RNF123: variants seen among roughly 807,000 people sequenced by gnomAD.
The protein encoded by RNF123 is E3 ubiquitin-protein ligase RNF123.
In RNF123, 86 loss-of-function variants were observed where a neutral mutation model predicts 168.5. That is an observed-to-expected ratio of 0.51 (90% CI 0.43 to 0.61). RNF123 has a LOEUF of 0.61. Among genes scored for constraint, RNF123 ranks in the 20% least tolerant of loss-of-function variants. RNF123 has a pLI of 0.00. For synonymous variants in RNF123, 666 were observed against 689.1 expected (o/e 0.97, Z 0.52); for missense variants, 1,419 against 1,729.7 (o/e 0.82, Z 3.19).
At chr3:49,720,956 C>T (rs1559694840) in intron 37 of RNF123, 62 bp downstream of exon 37, 3 of 1,606,838 alleles carry the variant, frequency 1.9e-6, no homozygotes, top group Middle Eastern at 1.7e-4. Flanking sequence ...CCTACACAGG[C>T]ACAACGGACA....
At chr3:49,691,048 G>A in intron 1 of RNF123, 82 bp from the exon 2 acceptor site, 1 of 800,020 alleles carries the variant, frequency 1.2e-6, no homozygotes, top group South Asian at 1.7e-5. Flanking sequence ...CTGCTCCCAA[G>A]CCTTCCTGCC....
At chr3:49,711,861 T>C (rs1177369678) in intron 26 of RNF123, among the ~76,000 whole-genome samples, 1 of 152,138 alleles carries the variant, frequency 6.6e-6, no homozygotes, top group Non-Finnish European at 1.5e-5. Context: ...TCCTTTGCAC[T>C]CCAGATCAAA....
chr3:49,700,801 C>G (rs2054367221), intron 15 of RNF123, 92 bp downstream of exon 15: 1 of 1,350,300 alleles, frequency 7.4e-7, no homozygotes, highest in African/African-American at 1.4e-5. Context: ...GGCCAGGGGT[C>G]CCCTGGGAGC....
intron 9 of RNF123, 39 bp downstream of exon 9, chr3:49,698,861 G>A (rs1303984605): frequency 6.2e-7 from 1 of 1,609,488 alleles, no homozygotes; most frequent in Non-Finnish European, 8.5e-7. Context: ...TGGCCCCTGG[G>A]GCCTCCCCAG....
rs1012088545 is a variant in RNF123, at chr3:49,717,684, A to G, written c.3500+1207A>G. The stretch of plus-strand genomic sequence containing the variant: ...CTCACAGGGCATTTGGGCACTAGGA[A>G]GTCCGCGGGAAAGCAGGAACTAGCA... On this transcript the variant is annotated intron_variant, in intron 35 of 38. Coordinates refer to ENST00000327697, the MANE Select transcript of RNF123 (RefSeq NM_022064.5). The G allele has an allele frequency of 4.7e-5, 26 of 552,720 alleles. 1 individual carries two copies. The highest frequency in any genetic ancestry group is 8.1e-5 in the Non-Finnish European group (25 of 310,098). 34.2% of individuals were successfully genotyped at this position (552,720 alleles called of 1,614,324 possible).
At position 49,706,019 on chromosome 3, in the gene RNF123, T is replaced by C; in HGVS notation, c.2342T>C (p.Met781Thr). 1.2e-6 allele frequency: 2 copies of C among 1,614,142 alleles called. No individual in the cohort carries two copies. Among genetic ancestry groups the C allele is most frequent in the Non-Finnish European group, 1.7e-6 (2 of 1,180,010 alleles). ...TCCGATGATGTCAATGAATACGCTA[T>C]GGCTCTGAGGGACACAGAGGACAAG... ...GVSDDVNEYA[M>T]ALRDTEDKLR... Residue 781 changes from methionine (M) to threonine (T), a missense_variant, in exon 25 of 39, where the codon ATG becomes ACG. Around this residue, in one of 5 missense-constraint regions of RNF123, gnomAD observed 538 missense variants for 708.8 expected, o/e 0.76. Transcript: ENST00000327697.
intron 2 of RNF123, 34 bp downstream of exon 2, chr3:49,691,281 T>C (rs1160733450): frequency 1.2e-6 from 2 of 1,605,128 alleles, no homozygotes; most frequent in Non-Finnish European, 1.7e-6. Flanking sequence ...GAGGCTCCTC[T>C]TGTTGGGAGG....
intron 31 of RNF123, among the ~76,000 whole-genome samples, chr3:49,715,245 G>C (rs2080216354): frequency 6.6e-6 from 1 of 152,244 alleles, no homozygotes; most frequent in African/African-American, 2.4e-5. Context: ...GCCCTGTTTA[G>C]GTCTGACCCT....
In RNF123 at chr3:49,699,892, G is replaced by A; in HGVS notation, c.984+120G>A. The A allele has an allele frequency of 1.9e-6, 2 of 1,029,896 alleles. No homozygotes were observed. Among genetic ancestry groups the A allele is most frequent in the East Asian group, 2.6e-5 (1 of 38,596 alleles). 63.8% of individuals were successfully genotyped at this position (1,029,896 alleles called of 1,614,324 possible). ...AGGTCCCACAGCATCACCTGGCGAG[G>A]GCCCCATGTGACCAGGGCCCTCAGA... is the stretch of plus-strand genomic sequence containing the variant. On this transcript the variant is annotated intron_variant, in intron 12 of 38. Transcript: ENST00000327697. The surrounding 1 kb of genome is among the most constrained non-coding windows in gnomAD (Gnocchi z 4.8).
intron 15 of RNF123, among the ~76,000 whole-genome samples, 193 bp downstream of exon 15, chr3:49,700,902 CA>C (rs934367110): frequency 3.9e-5 from 6 of 152,254 alleles, no homozygotes; most frequent in Admixed American, 1.3e-4. Context: ...CCAGCCTAGC[CA>C]GGGGGTTCTG....
chr3:49,700,832 C>T (rs566057333), intron 15 of RNF123, 123 bp downstream of exon 15: 1 of 1,015,550 alleles, frequency 9.8e-7, no homozygotes, highest in African/African-American at 1.6e-5. Flanking sequence ...CCAGAGCTGC[C>T]CAACGTGGCA....
In RNF123 at chr3:49,712,571, C is replaced by T. The variant is rs376634099; in HGVS notation, c.2589C>T (p.Pro863=). The T allele has an allele frequency of 1.4e-5, 23 of 1,614,080 alleles. No individual in the cohort carries two copies. The African/African-American group carries it at 2.1e-4, about 15-fold the overall frequency. Residue 863 remains proline, a synonymous_variant, in exon 27 of 39, where the codon CCC becomes CCT. Transcript: ENST00000327697. ...DRTGSLFAFM[P]EFYLSVAINS... ...CAGGGTCTCTCTTTGCCTTCATGCC[C>T]GAGTTCTACCTGAGCGTGGCCATCA...
chr3:49,690,659 A>C (rs1174672470), intron 1 of RNF123, among the ~76,000 whole-genome samples: 1 of 152,220 alleles, frequency 6.6e-6, no homozygotes, highest in Non-Finnish European at 1.5e-5. Context: ...TGTGGGGAGT[A>C]AGTGGGACTT....
In RNF123 at chr3:49,717,728, G is replaced by T. The variant is rs1475524830; in HGVS notation, c.3500+1251G>T. Reference sequence around the variant, plus strand: ...ACTAGCACACCTTGCAGGGCCTGGGGCCTTTGGGTCCTGTGCAGGGGCAGA... The same window carrying T: ...ACTAGCACACCTTGCAGGGCCTGGGTCCTTTGGGTCCTGTGCAGGGGCAGA... On this transcript the variant is annotated intron_variant, in intron 35 of 38. Transcript: ENST00000327697. The T allele has an allele frequency of 1.2e-5, 7 of 607,326 alleles. No individual in the cohort carries two copies. The East Asian group carries it at 2.0e-4, about 17-fold the overall frequency. The allele number at this position is 607,326 out of a possible 1,614,324, so 37.6% of individuals were successfully genotyped here.
chr3:49,706,968 G>T, intron 26 of RNF123, 70 bp downstream of exon 26: 1 of 1,341,590 alleles, frequency 7.5e-7, no homozygotes, highest in Non-Finnish European at 1.1e-6. Context: ...GATTGTGCCA[G>T]GGCCCTTGAT....
At chr3:49,705,813 C>A in intron 24 of RNF123, 134 bp downstream of exon 24, 1 of 1,469,356 alleles carries the variant, frequency 6.8e-7, no homozygotes, top group Non-Finnish European at 9.3e-7. Flanking sequence ...CTCAGCGAGG[C>A]TGGTTTCTGC....
intron 8 of RNF123, 28 bp downstream of exon 8, chr3:49,698,554 C>T (rs372044265): frequency 2.2e-5 from 35 of 1,607,568 alleles, no homozygotes; most frequent in Non-Finnish European, 2.6e-5. Flanking sequence ...GTGGGTCATC[C>T]GCCCCATGAC....
At position 49,700,710 on chromosome 3, in the gene RNF123, G is replaced by A. The variant is rs759233094; in HGVS notation, c.1277+1G>A. On this transcript the variant is annotated splice_donor_variant, in intron 15 of 38. Transcript: ENST00000327697. LOFTEE classifies it high-confidence loss of function. ...GCAAGTTTCTGCTTAGCAATGTCCT[G>A]TATCCTTTCCTTGCTGCCTGGCAGG... 3 of 1,614,140 alleles carry A rather than the reference G, an allele frequency of 1.9e-6. No individual in the cohort carries two copies. The highest frequency in any genetic ancestry group is 2.5e-6 in the Non-Finnish European group (3 of 1,180,032).
At chr3:49,701,454 C>T (rs747213099) in intron 15 of RNF123, 37 bp from the exon 16 acceptor site, 2 of 1,549,132 alleles carry the variant, frequency 1.3e-6, no homozygotes, top group South Asian at 2.2e-5. Context: ...TGCAGAGTGC[C>T]CTTTGGCAAG....
Sources: gnomAD v4.1 joint callset for allele counts (sites outside exome capture counted in the v4.1 genomes callset) on GRCh38, gnomAD v4.1.1 for gene constraint, gnomAD v4.1.1 regional missense constraint, Gnocchi (gnomAD v3.1) non-coding constraint, MANE v1.5 for transcripts, NCBI Gene and HGNC (gene_info 2026-07-23, HGNC 2026-07-21) for gene names.